The following WASHC5 variants were observed in gnomAD, a reference collection of about 807,000 sequenced individuals.
WASHC5 encodes the protein WASH complex subunit strumpellin.
In WASHC5, 101 loss-of-function variants were observed where a neutral mutation model predicts 150.4. That is an observed-to-expected ratio of 0.67 (90% CI 0.57 to 0.79). The LOEUF (loss-of-function observed/expected upper bound fraction) is 0.79. Among genes scored for constraint, WASHC5 ranks in the 30% least tolerant of loss-of-function variants. The pLI is 0.00. For synonymous variants in WASHC5, 467 were observed against 491.2 expected (o/e 0.95, Z 0.65); for missense variants, 1,195 against 1,396.3 (o/e 0.86, Z 2.30).
chr8:125,081,531 G>A (rs1244433792), intron 5 of WASHC5, 130 bp downstream of exon 5: 1 of 716,902 alleles, frequency 1.4e-6, no homozygotes, highest in Non-Finnish European at 2.5e-6. Context: ...TAGCCACTGT[G>A]CCCGGCTGAA....
intron 3 of WASHC5, among the ~76,000 whole-genome samples, 176 bp from the exon 4 acceptor site, chr8:125,082,643 T>A (rs1237358237): frequency 6.6e-6 from 1 of 152,260 alleles, no homozygotes. Flanking sequence ...GGGCCACAGT[T>A]TGATATTTAT....
At chr8:125,070,210 C>A (rs770648937) in intron 9 of WASHC5, among the ~76,000 whole-genome samples, 1 of 152,244 alleles carries the variant, frequency 6.6e-6, no homozygotes, top group Non-Finnish European at 1.5e-5. Context: ...AGCAACTCAA[C>A]AGGAGGCAAT....
intron 1 of WASHC5, among the ~76,000 whole-genome samples, chr8:125,090,609 G>C (rs1478170495): frequency 6.6e-6 from 1 of 152,112 alleles, no homozygotes; most frequent in Non-Finnish European, 1.5e-5. Context: ...TTTTCAGTTT[G>C]GGAAGTAATC....
chr8:125,061,096 G>A lies in WASHC5; in HGVS notation c.1507C>T (p.Gln503Ter). ...AAGRKTVQLI[Q>*]ALEEVQEFHQ... ...CGTTTCCTTACCTCTTCCAAAGCTTGTATCAGTTGTACAGTTTTTCTGCCC... is the reference window on the plus strand; with the variant it reads ...CGTTTCCTTACCTCTTCCAAAGCTTATATCAGTTGTACAGTTTTTCTGCCC... Residue 503 changes from glutamine (Q) to a stop codon, truncating the protein, a stop_gained, in exon 12 of 29, where the codon CAA becomes TAA. Coordinates refer to ENST00000318410, the MANE Select transcript of WASHC5 (RefSeq NM_014846.4). LOFTEE classifies it high-confidence loss of function. The A allele has an allele frequency of 1.9e-6, 3 of 1,601,406 alleles. No individual in the cohort carries two copies. Among genetic ancestry groups the A allele is most frequent in the Non-Finnish European group, 2.6e-6 (3 of 1,168,650 alleles).
At chr8:125,079,807 C>G (rs78157597) in intron 5 of WASHC5, among the ~76,000 whole-genome samples, 19,610 of 152,034 alleles carry the variant, frequency 0.13, 3,062 homozygotes, top group African/African-American at 0.38. Context: ...TTTCAGCTTA[C>G]ATCAGGTTTT....
In WASHC5 at chr8:125,047,330, A is replaced by G; in HGVS notation, c.2381T>C (p.Ile794Thr). ...QECNNFLRTK[I>T]QDWQSMYQST... is the part of the protein sequence containing the mutation. ...CTGGTACATGCTTTGCCAATCTTGA[A>G]TCTAGAAAACAAAACCATCAATATT... Residue 794 changes from isoleucine to threonine, a missense_variant and splice_region_variant, in exon 20 of 29, where the codon ATT (isoleucine) becomes ACT (threonine). Physicochemically the swap from Ile to Thr is moderately conservative, Grantham distance 89. Coordinates refer to ENST00000318410, the MANE Select transcript of WASHC5 (RefSeq NM_014846.4). The G allele has an allele frequency of 1.9e-6, 3 of 1,613,870 alleles. No individual in the cohort carries two copies. The highest frequency in any genetic ancestry group is 2.5e-6 in the Non-Finnish European group (3 of 1,179,746).
intron 10 of WASHC5, among the ~76,000 whole-genome samples, chr8:125,065,815 C>T (rs1253416266): frequency 2.0e-5 from 3 of 152,032 alleles, no homozygotes; most frequent in Non-Finnish European, 4.4e-5. Flanking sequence ...TGGGGTTTTG[C>T]TATGTTGGCC....
intron 24 of WASHC5, 74 bp from the exon 25 acceptor site, chr8:125,039,033 G>A: frequency 6.8e-7 from 1 of 1,473,582 alleles, no homozygotes; most frequent in Non-Finnish European, 9.5e-7. Flanking sequence ...ATAGGGCAGT[G>A]ATGTAATCTT....
intron 8 of WASHC5, among the ~76,000 whole-genome samples, chr8:125,074,389 C>T (rs1816990264): frequency 6.6e-6 from 1 of 152,180 alleles, no homozygotes; most frequent in Non-Finnish European, 1.5e-5. Flanking sequence ...ACACAGGAAA[C>T]TCAGTAACTG....
chr8:125,045,034 C>G, intron 20 of WASHC5: 1 of 341,326 alleles, frequency 2.9e-6, no homozygotes, highest in South Asian at 3.0e-5. Flanking sequence ...GCCCATTTGT[C>G]TCTCTATGCA....
At chr8:125,041,147 T>G (rs1339131695) in intron 23 of WASHC5, among the ~76,000 whole-genome samples, 1 of 152,202 alleles carries the variant, frequency 6.6e-6, no homozygotes, top group Non-Finnish European at 1.5e-5. Flanking sequence ...TTTGCCCTCA[T>G]AATGTTGTCT....
chr8:125,057,752 A>C, intron 14 of WASHC5, 86 bp from the exon 15 acceptor site: 1 of 870,390 alleles, frequency 1.1e-6, no homozygotes, highest in East Asian at 2.7e-5. Context: ...CATACAACAA[A>C]ACATTTGGGT....
intron 19 of WASHC5, among the ~76,000 whole-genome samples, 172 bp downstream of exon 19, chr8:125,048,834 G>A (rs1816152967): frequency 6.6e-6 from 1 of 152,220 alleles, no homozygotes; most frequent in Admixed American, 6.5e-5. Context: ...TGAGCTCCCG[G>A]AAGTTACATG....
chr8:125,045,806 A>G (rs1411372813), intron 20 of WASHC5, among the ~76,000 whole-genome samples: 2 of 152,204 alleles, frequency 1.3e-5, no homozygotes, highest in East Asian at 1.9e-4. Context: ...GAGGCCCCCA[A>G]TTCTGATGAT....
chr8:125,078,058 T>C (rs1817117012), intron 6 of WASHC5, among the ~76,000 whole-genome samples: 1 of 152,240 alleles, frequency 6.6e-6, no homozygotes, highest in Non-Finnish European at 1.5e-5. Flanking sequence ...TCCCTAATTA[T>C]AATTTTTACA....
At chr8:125,067,835 T>C in intron 9 of WASHC5, 116 bp from the exon 10 acceptor site, 2 of 1,059,190 alleles carry the variant, frequency 1.9e-6, no homozygotes, top group Admixed American at 3.7e-5. Context: ...ATAAGCAAAA[T>C]GTATATCAAT....
At chr8:125,058,602 G>A (rs1021806849) in intron 14 of WASHC5, among the ~76,000 whole-genome samples, 10 of 152,134 alleles carry the variant, frequency 6.6e-5, no homozygotes, top group African/African-American at 2.4e-4. Context: ...GTAAAAATTA[G>A]CTGGGCATGG....
intron 8 of WASHC5, among the ~76,000 whole-genome samples, chr8:125,074,296 A>G (rs191745857): frequency 2.9e-4 from 44 of 152,330 alleles, no homozygotes; most frequent in African/African-American, 1.0e-3. Flanking sequence ...GCCAACATTG[A>G]AATTATTTTG....
intron 4 of WASHC5, among the ~76,000 whole-genome samples, chr8:125,082,049 T>A (rs1166189498): frequency 6.6e-6 from 1 of 152,252 alleles, no homozygotes; most frequent in Non-Finnish European, 1.5e-5. Context: ...TACCTCTTCA[T>A]CATAAAATCA....
Sources: allele counts gnomAD v4.1 joint callset (sites outside exome capture counted in the v4.1 genomes callset), GRCh38; gene constraint gnomAD v4.1.1; transcripts MANE v1.5; gene names NCBI Gene and HGNC (gene_info 2026-07-23, HGNC 2026-07-21).